Variants in SMTN observed in about 807,000 individuals in gnomAD.
SMTN encodes the protein smoothelin.
SMTN carries 58 observed loss-of-function variants against 102.0 expected under a neutral mutation model. That is an observed-to-expected ratio of 0.57 (90% CI 0.46 to 0.71). The LOEUF is 0.71. Among genes scored for constraint, SMTN ranks in the 30% least tolerant of loss-of-function variants. The pLI is 0.00. For missense variants in SMTN, 1,185 were observed against 1,241.7 expected, an observed-to-expected ratio of 0.95 and a Z score of 0.69; for synonymous variants, 478 against 497.9, an observed-to-expected ratio of 0.96 and a Z score of 0.53.
chr22:31,100,848 C>T (rs766139534), intron 19 of SMTN, 37 bp from the exon 20 acceptor site: 24 of 901,688 alleles, frequency 2.7e-5, no homozygotes, highest in African/African-American at 1.8e-4. Flanking sequence ...CTCCTGCCCC[C>T]GTCCCCCACC....
rs558527740 is a variant in SMTN at position 31,082,663 on chromosome 22, C to A, written c.-80-516C>A. 67 of 625,490 alleles carry A rather than the reference C, an allele frequency of 1.1e-4. No individual in the cohort carries two copies. In the East Asian group the frequency reaches 1.9e-3, roughly 17 times the overall value. 38.7% of individuals were successfully genotyped at this position (625,490 alleles called of 1,614,324 possible). On this transcript the variant is annotated intron_variant, in intron 1 of 20. Transcript: ENST00000333137. ...GGACAGCAGAGCTGGCTCCAAGAATCGGAAGACACAGTGTACCTTCCTATA... is the reference window on the plus strand; with the variant it reads ...GGACAGCAGAGCTGGCTCCAAGAATAGGAAGACACAGTGTACCTTCCTATA...
intron 1 of SMTN, among the ~76,000 whole-genome samples, chr22:31,069,701 A>G (rs959852000): frequency 1.3e-5 from 2 of 152,224 alleles, no homozygotes; most frequent in African/African-American, 2.4e-5. Context: ...CCACAGGCAC[A>G]GATTGAGCAC....
intron 2 of SMTN, chr22:31,087,287 C>G (rs929801836): frequency 3.9e-5 from 6 of 152,268 alleles, no homozygotes; most frequent in Admixed American, 3.3e-4. Context: ...AGCTGTCACC[C>G]AGGGATGCCC....
chr22:31,104,577 C>A lies in SMTN; in HGVS notation c.*282C>A. 1.9e-6 allele frequency: 2 copies of A among 1,036,300 alleles called. No individual in the cohort carries two copies. The highest frequency in any genetic ancestry group is 2.7e-5 in the South Asian group (2 of 72,756). 64.2% of individuals were successfully genotyped at this position (1,036,300 alleles called of 1,614,324 possible). A position where few individuals can be genotyped will look rare whatever the true frequency, so the allele number is the denominator to read the frequency against. ...TGCCCTGTCTGTTGCGACACCCTCCCCCCCACATACACACGCAGCGTTTTG... is the reference window on the plus strand; with the variant it reads ...TGCCCTGTCTGTTGCGACACCCTCCACCCCACATACACACGCAGCGTTTTG... On this transcript the variant is annotated 3_prime_UTR_variant, in exon 21 of 21. Coordinates refer to ENST00000333137, the MANE Select transcript of SMTN (RefSeq NM_134269.3).
chr22:31,070,613 A>C (rs544537394), intron 1 of SMTN, among the ~76,000 whole-genome samples: 30 of 152,148 alleles, frequency 2.0e-4, no homozygotes, highest in Non-Finnish European at 4.3e-4. Context: ...CTACCTGTTC[A>C]AAACAAAACT....
upstream of SMTN, chr22:31,080,319 T>C: frequency 6.6e-6 from 1 of 152,384 alleles, no homozygotes. Context: ...ACAGCTTTAC[T>C]ACTTATCAGC....
intron 1 of SMTN, among the ~76,000 whole-genome samples, chr22:31,075,441 G>T (rs1273257206): frequency 8.5e-5 from 13 of 152,132 alleles, no homozygotes; most frequent in Non-Finnish European, 1.8e-4. Context: ...AGCATTTTGG[G>T]AGTCCGAGGC....
intron 1 of SMTN, among the ~76,000 whole-genome samples, chr22:31,074,322 G>A (rs2042077732): frequency 6.6e-6 from 1 of 152,184 alleles, no homozygotes; most frequent in Non-Finnish European, 1.5e-5. Context: ...CAAGGCTGTA[G>A]TGTGCCATGA....
intron 1 of SMTN, among the ~76,000 whole-genome samples, chr22:31,071,154 T>C (rs969605904): frequency 3.4e-4 from 52 of 151,572 alleles, no homozygotes; most frequent in Middle Eastern, 6.9e-3. Context: ...GCAGGAGGAT[T>C]GCTTGCGCCC....
Position 31,075,815 on chromosome 22 carries a change from T to TTTTTG in SMTN, c.-385-4615_-385-4611dup, listed in dbSNP as rs543219977. Among the ~76,000 whole-genome samples the TTTTTG allele has an allele frequency of 1.6e-3, 249 of 151,888 alleles. 3 individuals are homozygous for TTTTTG. The South Asian group carries it at 0.022, about 14-fold the overall frequency. The stretch of plus-strand genomic sequence containing the variant: ...CATAAGCAGTTGCTATTTTAAAGGG[T>TTTTTG]TTTTGTTTTGTTTTGTTTTGTTTTT... On this transcript the variant is annotated intron_variant, in intron 1 of 3. Coordinates refer to the SMTN transcript ENST00000422839.
Position 31,088,863 on chromosome 22 carries a change from C to T in SMTN, c.374-9C>T. The T allele has an allele frequency of 1.2e-6, 2 of 1,613,796 alleles. No individual in the cohort carries two copies. Among genetic ancestry groups the T allele is most frequent in the South Asian group, 2.2e-5 (2 of 91,080 alleles). On this transcript the variant is annotated splice_polypyrimidine_tract_variant and intron_variant, in intron 5 of 20. Coordinates refer to ENST00000333137, the MANE Select transcript of SMTN (RefSeq NM_134269.3). ...GTCACTCACCTGCCACTTGCTCCTT[C>T]CCTTCCAGCTGCCACCTTGGCTGGG...
At chr22:31,096,163 A>T (rs1006554800) in intron 13 of SMTN, 6 of 168,698 alleles carry the variant, frequency 3.6e-5, no homozygotes, top group African/African-American at 1.4e-4. Flanking sequence ...GGGCCCACTG[A>T]TGGCCACCCC....
chr22:31,090,028 G>A lies in SMTN; in HGVS notation c.792+9G>A. ...GCCAGGTGGTCAACAAGGTGAGTCT[G>A]GATGAGGGGCAGGGATGCCAGGCAA... On this transcript the variant is annotated intron_variant, in intron 7 of 20. Coordinates refer to ENST00000333137, the MANE Select transcript of SMTN (RefSeq NM_134269.3). 2 of 1,610,040 alleles carry A rather than the reference G, an allele frequency of 1.2e-6. No homozygotes were observed. Among genetic ancestry groups the A allele is most frequent in the Non-Finnish European group, 1.7e-6 (2 of 1,177,488 alleles).
chr22:31,099,311 CT>C, intron 18 of SMTN, 132 bp downstream of exon 18: 2 of 646,110 alleles, frequency 3.1e-6, no homozygotes, highest in South Asian at 3.8e-5. Context: ...TGGAAAGGCT[CT>C]TGGGGTGAGG....
intron 1 of SMTN, chr22:31,082,685 T>C: frequency 3.1e-6 from 2 of 640,910 alleles, no homozygotes; most frequent in Non-Finnish European, 5.7e-6. Flanking sequence ...TGTACCTTCC[T>C]ATACCTGGGG....
Position 31,083,292 on chromosome 22 carries a change from G to A in SMTN, c.34G>A (p.Gly12Arg). The A allele has an allele frequency of 6.3e-7, 1 of 1,579,206 alleles. No homozygotes were observed. Among genetic ancestry groups the A allele is most frequent in the Non-Finnish European group, 8.6e-7 (1 of 1,164,894 alleles). The change falls in exon 2 of 21, where the codon GGA becomes AGA. Residue 12 changes from glycine to arginine, a missense_variant. Physicochemically the swap from Gly to Arg is moderately radical, Grantham distance 125. Coordinates refer to ENST00000333137, the MANE Select transcript of SMTN (RefSeq NM_134269.3). ...ADEALAGLDE[G>R]ALRKLLEVTA... ...CGAGGCCTTAGCTGGGCTGGATGAG[G>A]GAGCCCTTCGGAAGCTGGTAAGTGG...
At chr22:31,085,746 C>T (rs530960526) in intron 2 of SMTN, among the ~76,000 whole-genome samples, 37 of 152,352 alleles carry the variant, frequency 2.4e-4, no homozygotes, top group Admixed American at 5.2e-4. Flanking sequence ...CCAACCTTTG[C>T]CTCCAGGCCC....
At chr22:31,094,218 T>C (rs1433298913) in intron 11 of SMTN, among the ~76,000 whole-genome samples, 1 of 152,170 alleles carries the variant, frequency 6.6e-6, no homozygotes, top group African/African-American at 2.4e-5. Context: ...AGGGCCATAA[T>C]AGTTGGCTTG....
At chr22:31,096,689 T>C in intron 13 of SMTN, 44 bp from the exon 14 acceptor site, 1 of 1,501,270 alleles carries the variant, frequency 6.7e-7, no homozygotes, top group Non-Finnish European at 8.8e-7. Flanking sequence ...GCTGTGTGGG[T>C]GTTGGTGGCC....
Sources: gnomAD v4.1 joint callset for allele counts (sites outside exome capture counted in the v4.1 genomes callset) on GRCh38, gnomAD v4.1.1 for gene constraint, MANE v1.5 for transcripts, NCBI Gene and HGNC (gene_info 2026-07-23, HGNC 2026-07-21) for gene names.